Variants in TECTA observed in about 807,000 individuals in gnomAD.
TECTA encodes tectorin alpha.
TECTA carries 128 observed loss-of-function variants against 216.8 expected under a neutral mutation model. The ratio of observed to expected loss-of-function variants is 0.59; its 90% CI spans 0.51 to 0.68. TECTA has a LOEUF of 0.68. TECTA is among the 30% of genes least tolerant of loss of function. The pLI is 0.00. For missense variants in TECTA, 2,551 were observed against 2,786.2 expected, an observed-to-expected ratio of 0.92 and a Z score of 1.90; for synonymous variants, 1,089 against 1,117.1, an observed-to-expected ratio of 0.97 and a Z score of 0.50.
chr11:121,152,207 G>T (rs1946896989), intron 12 of TECTA, among the ~76,000 whole-genome samples: 1 of 152,248 alleles, frequency 6.6e-6, no homozygotes, highest in Admixed American at 6.5e-5. Flanking sequence ...GAATCAGTTT[G>T]CACAGACATG....
intron 14 of TECTA, among the ~76,000 whole-genome samples, chr11:121,158,664 C>T (rs938241340): frequency 1.3e-5 from 2 of 152,088 alleles, no homozygotes; most frequent in Non-Finnish European, 2.9e-5. Flanking sequence ...AAGCACTTGC[C>T]TAAAAAACAC....
In TECTA at chr11:121,160,220, C is replaced by A. The variant is rs766636557; in HGVS notation, c.4775C>A (p.Thr1592Asn). The A allele has an allele frequency of 1.2e-6, 2 of 1,614,058 alleles. No individual in the cohort carries two copies. Among genetic ancestry groups the A allele is most frequent in the South Asian group, 2.2e-5 (2 of 91,078 alleles). ...AGTGAGGGGTTTCTGGTGATTGACACCAGCCCAGACATCCAGATATACTAC... is the reference window on the plus strand; with the variant it reads ...AGTGAGGGGTTTCTGGTGATTGACAACAGCCCAGACATCCAGATATACTAC... ...YSSEGFLVID[T>N]SPDIQIYYNG... Residue 1592 changes from threonine to asparagine, a missense_variant, in exon 15 of 24, where the codon ACC (threonine) becomes AAC (asparagine). By Grantham distance (65) the Thr-to-Asn change is moderately conservative. Around this residue, in one of 3 missense-constraint regions of TECTA, gnomAD observed 2,375 missense variants for 2,563.9 expected, o/e 0.93. Transcript: ENST00000392793.
intron 3 of TECTA, among the ~76,000 whole-genome samples, chr11:121,108,871 C>T (rs1336180759): frequency 4.7e-5 from 7 of 149,540 alleles, no homozygotes; most frequent in Non-Finnish European, 1.0e-4. Context: ...CACACACATG[C>T]ACATCTCACC....
In TECTA at chr11:121,190,756, A is replaced by T; in HGVS notation, c.6418A>T (p.Ile2140Phe). The T allele has an allele frequency of 6.2e-7, 1 of 1,613,928 alleles. No homozygotes were observed. The highest frequency in any genetic ancestry group is 8.5e-7 in the Non-Finnish European group (1 of 1,179,936). The change falls in exon 24 of 24, where the codon ATC becomes TTC. Residue 2140 changes from isoleucine to phenylalanine, a missense_variant. Transcript: ENST00000392793. ...AGTCTGGACGCTTCTTCTCATCATG[A>T]TCCAGATTTCATTATGGCATTTTGT... is the stretch of plus-strand genomic sequence containing the variant. Reference protein sequence around the residue: ...LQVWTLLLIMIQISLWHFVYK... With the variant: ...LQVWTLLLIMFQISLWHFVYK...
chr11:121,122,730 GT>G (rs1267584627), intron 7 of TECTA, among the ~76,000 whole-genome samples: 2 of 148,714 alleles, frequency 1.3e-5, no homozygotes, highest in Non-Finnish European at 3.0e-5. Context: ...GCATGCACCT[GT>G]AGTCCCAGCT....
At chr11:121,148,947 G>A (rs1198931752) in intron 12 of TECTA, among the ~76,000 whole-genome samples, 1 of 152,038 alleles carries the variant, frequency 6.6e-6, no homozygotes, top group Non-Finnish European at 1.5e-5. Context: ...TCCCTTAATC[G>A]GGGACTGTAA....
In TECTA at chr11:121,127,780, C is replaced by T. The variant is rs766074375; in HGVS notation, c.1803C>T (p.Ser601=). The change falls in exon 9 of 24, where the codon AGC becomes AGT. Residue 601 remains serine, a synonymous_variant. Coordinates refer to ENST00000392793, the MANE Select transcript of TECTA (RefSeq NM_005422.4). The surrounding 1 kb of genome is among the most constrained non-coding windows in gnomAD (Gnocchi z 5.0). ...CVSTVQCPSF[S]HYSVCTSSCP... ...CCACAGTGCAGTGCCCGAGCTTCAG[C>T]CACTACTCCGTGTGCACAAGCAGCT... is the stretch of plus-strand genomic sequence containing the variant. 1 of 1,614,202 alleles carries T rather than the reference C, an allele frequency of 6.2e-7. No homozygotes were observed. Among genetic ancestry groups the T allele is most frequent in the Admixed American group, 1.7e-5 (1 of 60,036 alleles).
At chr11:121,122,125 C>T (rs890757037) in intron 7 of TECTA, among the ~76,000 whole-genome samples, 5 of 152,064 alleles carry the variant, frequency 3.3e-5, no homozygotes, top group Admixed American at 1.3e-4. Flanking sequence ...TATTCCCTTC[C>T]CCCATTGCTA....
At chr11:121,133,268 G>A (rs1946692893) in intron 10 of TECTA, among the ~76,000 whole-genome samples, 1 of 152,090 alleles carries the variant, frequency 6.6e-6, no homozygotes, top group Non-Finnish European at 1.5e-5. Context: ...ATGTGAGAGT[G>A]AGTTGCAGAC....
chr11:121,103,918 C>T (rs1202246632), intron 2 of TECTA, among the ~76,000 whole-genome samples: 2 of 152,104 alleles, frequency 1.3e-5, no homozygotes, highest in African/African-American at 4.8e-5. Flanking sequence ...GGATCACCCA[C>T]GAAGAGAAGA....
chr11:121,112,981 T>G (rs1591437459), intron 4 of TECTA, 91 bp from the exon 5 acceptor site: 2 of 1,533,606 alleles, frequency 1.3e-6, no homozygotes, highest in Non-Finnish European at 1.8e-6. Context: ...TGCCTGTGGG[T>G]GGGGAGGGCG....
At chr11:121,144,707 G>C (rs1244888172) in intron 11 of TECTA, among the ~76,000 whole-genome samples, 1 of 152,158 alleles carries the variant, frequency 6.6e-6, no homozygotes, top group Non-Finnish European at 1.5e-5. Context: ...AAATATGTGG[G>C]AGGAAACATA....
intron 17 of TECTA, among the ~76,000 whole-genome samples, chr11:121,165,599 A>G (rs887424729): frequency 6.6e-6 from 1 of 152,198 alleles, no homozygotes. Flanking sequence ...CATGAATGGA[A>G]CCAGCCGGTT....
At position 121,102,827 on chromosome 11, in the gene TECTA, T is replaced by C. The variant is rs569883658; in HGVS notation, c.64+98T>C. On this transcript the variant is annotated intron_variant, in intron 2 of 23. Coordinates refer to ENST00000392793, the MANE Select transcript of TECTA (RefSeq NM_005422.4). The stretch of plus-strand genomic sequence containing the variant: ...AACCACAATTGTAAGGGCAGGTGCA[T>C]GTGTGTCTACAGATACAAGAGAAAA... 146 of 1,006,962 alleles carry C rather than the reference T, an allele frequency of 1.4e-4. No individual in the cohort carries two copies. In the African/African-American group the frequency reaches 1.7e-3, roughly 12 times the overall value. 62.4% of individuals were successfully genotyped at this position (1,006,962 alleles called of 1,614,324 possible). A position where few individuals can be genotyped will look rare whatever the true frequency, so the allele number is the denominator to read the frequency against.
intron 20 of TECTA, 134 bp downstream of exon 20, chr11:121,169,059 A>G: frequency 7.3e-7 from 1 of 1,376,004 alleles, no homozygotes; most frequent in South Asian, 1.2e-5. Context: ...TTATTAATTC[A>G]TCTAATTCTC....
At position 121,165,290 on chromosome 11, in the gene TECTA, C is replaced by A; in HGVS notation, c.5290C>A (p.Pro1764Thr). 1.9e-6 allele frequency: 3 copies of A among 1,606,132 alleles called. No individual in the cohort carries two copies. The highest frequency in any genetic ancestry group is 1.7e-6 in the Non-Finnish European group (2 of 1,176,452). Residue 1764 changes from proline (P) to threonine (T), a missense_variant, in exon 17 of 24, where the codon CCC becomes ACC. Physicochemically the swap from Pro to Thr is conservative, Grantham distance 38 (BLOSUM62 -1). Transcript: ENST00000392793. ...CTTTTTAGCAGGAGTGGTTGAAGAT[C>A]CCTGTGTGGGGGCGGACTGTCCCAA... is the stretch of plus-strand genomic sequence containing the variant. ...KENCSGVVED[P>T]CVGADCPNRT...
chr11:121,157,973 T>C lies in TECTA; in HGVS notation c.4438T>C (p.Phe1480Leu), dbSNP rs1386239684. 6.2e-7 allele frequency: 1 copy of C among 1,613,560 alleles called. No individual in the cohort carries two copies. Among genetic ancestry groups the C allele is most frequent in the Non-Finnish European group, 8.5e-7 (1 of 1,179,968 alleles). Residue 1480 changes from phenylalanine (F) to leucine (L), a missense_variant, in exon 14 of 24, where the codon TTC (phenylalanine) becomes CTC (leucine). Phe to Leu is a conservative substitution (Grantham distance 22). This residue lies in a region of TECTA where 2,375 missense variants were observed against 2,563.9 expected (regional missense o/e 0.93). Coordinates refer to ENST00000392793, the MANE Select transcript of TECTA (RefSeq NM_005422.4). ...CALRNGVRGC[F>L]STKTSYCLAA... is the part of the protein sequence containing the mutation. Reference sequence around the variant, plus strand: ...GCTGCGCAACGGGGTGCGCGGCTGCTTCAGCACCAAGACCTCCTACTGCCT... The same window carrying C: ...GCTGCGCAACGGGGTGCGCGGCTGCCTCAGCACCAAGACCTCCTACTGCCT...
chr11:121,115,050 T>C (rs1321484894), intron 6 of TECTA, among the ~76,000 whole-genome samples: 15 of 47,736 alleles, frequency 3.1e-4, no homozygotes, highest in Non-Finnish European at 2.8e-4. Context: ...TTCACCAACC[T>C]ATCCATCCAC....
intron 20 of TECTA, among the ~76,000 whole-genome samples, chr11:121,177,466 A>G (rs1450527223): frequency 6.6e-6 from 1 of 152,218 alleles, no homozygotes; most frequent in Non-Finnish European, 1.5e-5. Flanking sequence ...CCTGGGTACC[A>G]GCAGTGGTGG....
Sources: allele counts gnomAD v4.1 joint callset (sites outside exome capture counted in the v4.1 genomes callset), GRCh38; gene constraint gnomAD v4.1.1; regional missense constraint gnomAD v4.1.1; non-coding constraint Gnocchi (gnomAD v3.1); transcripts MANE v1.5; gene names NCBI Gene and HGNC (gene_info 2026-07-23, HGNC 2026-07-21).